The following NKAIN2 variants were observed in gnomAD, a reference collection of about 807,000 sequenced individuals.
NKAIN2 encodes the protein sodium/potassium transporting ATPase interacting 2, also known as sodium/potassium-transporting ATPase subunit beta-1-interacting protein 2.
Under a neutral mutation model 32.6 loss-of-function variants are expected in NKAIN2, and 14 were observed. That is an observed-to-expected ratio of 0.43 (90% CI 0.28 to 0.67). The LOEUF (loss-of-function observed/expected upper bound fraction) is 0.67. NKAIN2 is among the 30% of genes least tolerant of loss of function. The pLI is 0.17. For missense variants in NKAIN2, 198 were observed against 258.3 expected (o/e 0.77, Z 1.60); for synonymous variants, 80 against 87.2 (o/e 0.92, Z 0.46).
chr6:124,733,433 G>A (rs994298298), intron 4 of NKAIN2, among the ~76,000 whole-genome samples: 3 of 151,774 alleles, frequency 2.0e-5, no homozygotes, highest in Non-Finnish European at 2.9e-5. Context: ...ATCAGAAAAC[G>A]TTCTGACATA....
intron 5 of NKAIN2, among the ~76,000 whole-genome samples, chr6:124,792,434 A>C (rs1779789032): frequency 6.6e-6 from 1 of 152,190 alleles, no homozygotes; most frequent in Non-Finnish European, 1.5e-5. Flanking sequence ...TATTTCATAT[A>C]TAAAAGGAAA....
chr6:124,149,604 A>G (rs1787594683), intron 1 of NKAIN2, among the ~76,000 whole-genome samples: 1 of 152,194 alleles, frequency 6.6e-6, no homozygotes, highest in Non-Finnish European at 1.5e-5. Flanking sequence ...GTAAGGGTTT[A>G]TTTCTGAACT....
chr6:123,931,327 C>A (rs1323669181), intron 1 of NKAIN2, among the ~76,000 whole-genome samples: 2 of 152,110 alleles, frequency 1.3e-5, no homozygotes, highest in Non-Finnish European at 2.9e-5. Flanking sequence ...CTGACACTGT[C>A]CCTGAGTAAC....
At chr6:124,058,765 T>C (rs1198151690) in intron 1 of NKAIN2, among the ~76,000 whole-genome samples, 2 of 152,142 alleles carry the variant, frequency 1.3e-5, no homozygotes, top group Non-Finnish European at 2.9e-5. Context: ...TAAAATGATA[T>C]GAAAGTCTAT....
chr6:124,391,497 T>G (rs771434583), intron 3 of NKAIN2, among the ~76,000 whole-genome samples: 1 of 152,046 alleles, frequency 6.6e-6, no homozygotes, highest in African/African-American at 2.4e-5. Context: ...CCTTTAACAA[T>G]TGGGAACATA....
chr6:123,900,532 G>GATTTTT (rs1774516637), intron 1 of NKAIN2, among the ~76,000 whole-genome samples: 1 of 32,764 alleles, frequency 3.1e-5, no homozygotes. Context: ...CTCCAGATTA[G>GATTTTT]TTTTTTTTTT....
chr6:124,114,419 T>G (rs1785516623), intron 1 of NKAIN2, among the ~76,000 whole-genome samples: 1 of 152,002 alleles, frequency 6.6e-6, no homozygotes, highest in Non-Finnish European at 1.5e-5. Flanking sequence ...ATATAAAAAA[T>G]TCAGTATTAG....
At chr6:124,573,449 G>A (rs1014358114) in intron 3 of NKAIN2, among the ~76,000 whole-genome samples, 3 of 151,384 alleles carry the variant, frequency 2.0e-5, no homozygotes, top group African/African-American at 7.3e-5. Flanking sequence ...TTGTTGAACT[G>A]TTGAGACTAA....
intron 3 of NKAIN2, among the ~76,000 whole-genome samples, chr6:124,541,895 T>C (rs1354331856): frequency 6.6e-6 from 1 of 152,192 alleles, no homozygotes; most frequent in Admixed American, 6.5e-5. Flanking sequence ...GCTTTCATTC[T>C]ATCTTTAAAC....
chr6:123,851,845 A>G (rs1265729113), intron 1 of NKAIN2, among the ~76,000 whole-genome samples: 2 of 152,130 alleles, frequency 1.3e-5, no homozygotes, highest in Admixed American at 6.5e-5. Flanking sequence ...TGATTTTCTG[A>G]TGTATGGCTT....
chr6:124,626,902 T>C (rs148841444), intron 3 of NKAIN2, among the ~76,000 whole-genome samples: 40 of 152,316 alleles, frequency 2.6e-4, no homozygotes, highest in African/African-American at 9.6e-4. Flanking sequence ...TGCCGTGTTA[T>C]GTGAAGATTT....
chr6:124,390,914 T>G (rs929341176), intron 3 of NKAIN2: 9 of 151,862 alleles, frequency 5.9e-5, no homozygotes, highest in Middle Eastern at 3.4e-3. Flanking sequence ...GTAAGTTCCA[T>G]GAGGAACTAG....
At chr6:124,593,323 C>T (rs184263130) in intron 3 of NKAIN2, among the ~76,000 whole-genome samples, 19 of 152,208 alleles carry the variant, frequency 1.2e-4, no homozygotes, top group African/African-American at 4.6e-4. Flanking sequence ...TCTTCTTTCA[C>T]CTTACCTAAA....
intron 1 of NKAIN2, among the ~76,000 whole-genome samples, chr6:124,198,643 G>A (rs146387738): frequency 9.2e-4 from 139 of 151,658 alleles, no homozygotes; most frequent in Admixed American, 1.8e-3. Context: ...CTCTCCTGTG[G>A]CTTAAGACCT....
intron 1 of NKAIN2, among the ~76,000 whole-genome samples, chr6:123,896,951 G>A (rs1774312210): frequency 6.6e-6 from 1 of 152,082 alleles, no homozygotes; most frequent in Non-Finnish European, 1.5e-5. Flanking sequence ...TCTTGTCTAA[G>A]TGAATGACCC....
intron 2 of NKAIN2, among the ~76,000 whole-genome samples, chr6:124,335,748 T>G (rs1329230760): frequency 6.6e-6 from 1 of 152,182 alleles, no homozygotes; most frequent in Non-Finnish European, 1.5e-5. Flanking sequence ...TCTACAATAT[T>G]TTTTCGTCTT....
intron 1 of NKAIN2, among the ~76,000 whole-genome samples, chr6:123,841,377 A>G (rs986329426): frequency 1.3e-5 from 2 of 152,218 alleles, no homozygotes; most frequent in Non-Finnish European, 2.9e-5. Context: ...GTCAGAGTAT[A>G]GTATATGTGT....
chr6:124,718,455 C>T (rs1775859809), intron 4 of NKAIN2, among the ~76,000 whole-genome samples: 1 of 152,134 alleles, frequency 6.6e-6, no homozygotes, highest in Non-Finnish European at 1.5e-5. Context: ...ATGAATGTGT[C>T]ACATTTTGCT....
rs143293485 is a variant in NKAIN2 at position 124,557,687 on chromosome 6, C to A, written c.274-100499C>A. 5.5e-3 allele frequency among the ~76,000 whole-genome samples: 845 copies of A among 152,262 alleles called. 10 individuals are homozygous for A. Among genetic ancestry groups the A allele is most frequent in the African/African-American group, 0.019 (802 of 41,560 alleles). ...TACTTTGCTTCTCCTTTGAGATAAT[C>A]CTGCCTTATTTGAGGTCAGACAGAA... On this transcript the variant is annotated intron_variant, in intron 3 of 6. Coordinates refer to ENST00000368417, the MANE Select transcript of NKAIN2 (RefSeq NM_001040214.3).
Sources: gnomAD v4.1 joint callset for allele counts (sites outside exome capture counted in the v4.1 genomes callset) on GRCh38, gnomAD v4.1.1 for gene constraint, MANE v1.5 for transcripts, NCBI Gene and HGNC (gene_info 2026-07-23, HGNC 2026-07-21) for gene names.